CNKSR3: variants seen among roughly 807,000 people sequenced by gnomAD.
CNKSR3 encodes CNKSR family member 3.
Under a neutral mutation model 67.7 loss-of-function variants are expected in CNKSR3, and 36 were observed. That is an observed-to-expected ratio of 0.53 (90% CI 0.41 to 0.70). CNKSR3 has a LOEUF of 0.70. Ranked by LOEUF, CNKSR3 falls within the 30% of genes least tolerant of loss-of-function variation. CNKSR3 has a pLI of 0.00. For missense variants in CNKSR3, 630 were observed against 695.2 expected (o/e 0.91, Z 1.05); for synonymous variants, 281 against 271.4 (o/e 1.04, Z -0.35).
intron 9 of CNKSR3, 74 bp from the exon 10 acceptor site, chr6:154,414,497 TC>T: frequency 1.3e-6 from 2 of 1,505,614 alleles, no homozygotes; most frequent in Non-Finnish European, 1.8e-6. Context: ...TTATTTCCCC[TC>T]CCCCAAACCA....
intron 6 of CNKSR3, among the ~76,000 whole-genome samples, chr6:154,430,001 G>C (rs1322363331): frequency 1.3e-5 from 2 of 152,158 alleles, no homozygotes; most frequent in Non-Finnish European, 2.9e-5. Context: ...ATGCACGCTA[G>C]GTACTAGGAG....
chr6:154,450,038 G>A (rs1785791393), intron 2 of CNKSR3, 57 bp downstream of exon 2: 3 of 1,506,194 alleles, frequency 2.0e-6, no homozygotes, highest in South Asian at 1.2e-5. Context: ...GACGGCTTAA[G>A]AGAGCAAGGC....
At chr6:154,503,466 A>AT (rs1000439277) in intron 1 of CNKSR3, among the ~76,000 whole-genome samples, 301 of 150,158 alleles carry the variant, frequency 2.0e-3, no homozygotes, top group African/African-American at 6.6e-3. Context: ...CTCTACAAAG[A>AT]TTTTTTTTTT....
chr6:154,408,720 G>A (rs80305256), intron 12 of CNKSR3, among the ~76,000 whole-genome samples: 3,335 of 152,186 alleles, frequency 0.022, 115 homozygotes, highest in African/African-American at 0.076. Context: ...GTACAACTCC[G>A]TGAATATACT....
At chr6:154,420,416 G>A (rs529244489) in intron 9 of CNKSR3, among the ~76,000 whole-genome samples, 62 of 152,120 alleles carry the variant, frequency 4.1e-4, no homozygotes, top group African/African-American at 1.2e-3. Context: ...GTGGCCGGGC[G>A]CGGTGGCTCA....
chr6:154,474,218 C>G (rs1786392687), intron 1 of CNKSR3, among the ~76,000 whole-genome samples: 2 of 150,676 alleles, frequency 1.3e-5, no homozygotes. Flanking sequence ...CAACACCATC[C>G]TGGCTCACAT....
At position 154,406,568 on chromosome 6, in the gene CNKSR3, G is replaced by A; in HGVS notation, c.1454C>T (p.Ser485Phe). The change falls in exon 13 of 13, where the codon TCC (serine) becomes TTC (phenylalanine). Residue 485 changes from serine to phenylalanine, a missense_variant. Physicochemically the swap from Ser to Phe is radical, Grantham distance 155 (BLOSUM62 -2). Around this residue, in one of 3 missense-constraint regions of CNKSR3, gnomAD observed 308 missense variants for 299.6 expected, o/e 1.03. Coordinates refer to ENST00000607772, the MANE Select transcript of CNKSR3 (RefSeq NM_173515.4). ...EESSSPPYRF[S>F]RPTTERHLVR... ...CAGATGCCGCTCGGTCGTGGGTCTG[G>A]AGAACCGGTATGGGGGAGAGGAGCT... The A allele has an allele frequency of 1.2e-6, 2 of 1,614,232 alleles. No individual in the cohort carries two copies. The highest frequency in any genetic ancestry group is 1.3e-5 in the African/African-American group (1 of 75,072).
In CNKSR3 at chr6:154,403,572, TTATG is replaced by T. The variant is rs1784739625; in HGVS notation, c.*2778_*2781del. 1 of 152,122 alleles carries T rather than the reference TTATG, an allele frequency of 6.6e-6. No homozygotes were observed. The highest frequency in any genetic ancestry group is 6.6e-5 in the Admixed American group (1 of 15,266). The allele number at this position is 152,122 out of a possible 1,614,324, so 9.4% of individuals were successfully genotyped here. On this transcript the variant is annotated 3_prime_UTR_variant, in exon 13 of 13. Coordinates refer to ENST00000607772, the MANE Select transcript of CNKSR3 (RefSeq NM_173515.4). ...TAAGAAATCCATATTAAACTATTATTTATGTATGTCCATAGTAGAGGTTTACAAA... is the reference window on the plus strand; with the variant it reads ...TAAGAAATCCATATTAAACTATTATTTATGTCCATAGTAGAGGTTTACAAA...
intron 1 of CNKSR3, among the ~76,000 whole-genome samples, chr6:154,495,542 A>ATTT (rs57229246): frequency 0.027 from 3,802 of 138,902 alleles, 165 homozygotes; most frequent in African/African-American, 0.095. Flanking sequence ...TCATTTTAAC[A>ATTT]TTTTTTTTTT....
chr6:154,416,522 A>G (rs1785027766), intron 9 of CNKSR3, among the ~76,000 whole-genome samples: 1 of 152,228 alleles, frequency 6.6e-6, no homozygotes, highest in Non-Finnish European at 1.5e-5. Flanking sequence ...TTTCCACAAA[A>G]TTGATGCTCC....
rs1245796289 is a variant in CNKSR3, at chr6:154,394,404, C to T, written c.*11950G>A. The T allele has an allele frequency of 6.6e-6, 1 of 151,970 alleles. No homozygotes were observed. The highest frequency in any genetic ancestry group is 2.4e-5 in the African/African-American group (1 of 41,388). The allele number at this position is 151,970 out of a possible 1,614,324, so 9.4% of individuals were successfully genotyped here. On this transcript the variant is annotated 3_prime_UTR_variant, in exon 13 of 13. Coordinates refer to ENST00000607772, the MANE Select transcript of CNKSR3 (RefSeq NM_173515.4). ...ACCAGGTGGATAATGCCTGGGTCAC[C>T]TTGAAGTCCAAAATTGGAGACACCA...
At position 154,390,968 on chromosome 6, in the gene CNKSR3, T is replaced by C. The variant is rs1784598646; in HGVS notation, c.*15386A>G. 1 of 151,766 alleles carries C rather than the reference T, an allele frequency of 6.6e-6. No homozygotes were observed. Among genetic ancestry groups the C allele is most frequent in the Non-Finnish European group, 1.5e-5 (1 of 68,000 alleles). The allele number at this position is 151,766 out of a possible 1,614,324, so 9.4% of individuals were successfully genotyped here. A position where few individuals can be genotyped will look rare whatever the true frequency, so the allele number is the denominator to read the frequency against. ...GGCACATGCCACCACGCCCAGCTAATTTTTATATTTTTAGTAGAGAGAGGG... is the reference window on the plus strand; with the variant it reads ...GGCACATGCCACCACGCCCAGCTAACTTTTATATTTTTAGTAGAGAGAGGG... On this transcript the variant is annotated 3_prime_UTR_variant, in exon 13 of 13. Transcript: ENST00000607772.
At chr6:154,487,827 C>T (rs1457971567) in intron 1 of CNKSR3, among the ~76,000 whole-genome samples, 1 of 152,210 alleles carries the variant, frequency 6.6e-6, no homozygotes, top group East Asian at 1.9e-4. Context: ...TTACCTTCTT[C>T]CCTGTCAAAT....
chr6:154,406,621 G>T lies in CNKSR3; in HGVS notation c.1401C>A (p.Asn467Lys), dbSNP rs148296759. Reference sequence around the variant, plus strand: ...CTTCAATGATCGGAGGAATCCGCTCGTTACTGAAATACCGGCAAAGGGCAT... The same window carrying T: ...CTTCAATGATCGGAGGAATCCGCTCTTTACTGAAATACCGGCAAAGGGCAT... The part of the protein sequence containing the change: ...GEDALCRYFS[N>K]ERIPPIIEES... Residue 467 changes from asparagine (N) to lysine (K), a missense_variant, in exon 13 of 13, where the codon AAC (asparagine) becomes AAA (lysine). Transcript: ENST00000607772. 1 of 1,613,622 alleles carries T rather than the reference G, an allele frequency of 6.2e-7. No individual in the cohort carries two copies. The highest frequency in any genetic ancestry group is 1.1e-5 in the South Asian group (1 of 91,058).
chr6:154,482,386 AC>A (rs1582895290), intron 1 of CNKSR3, among the ~76,000 whole-genome samples: 1 of 152,168 alleles, frequency 6.6e-6, no homozygotes, highest in East Asian at 1.9e-4. Flanking sequence ...TCCTAAATCC[AC>A]CATCCAGTCC....
chr6:154,460,877 A>G (rs762793602), intron 1 of CNKSR3, among the ~76,000 whole-genome samples: 4 of 152,212 alleles, frequency 2.6e-5, no homozygotes, highest in African/African-American at 4.8e-5. Context: ...TGGCCGCGAC[A>G]GCTGCACCCA....
At chr6:154,490,555 A>C (rs1786766421) in intron 1 of CNKSR3, among the ~76,000 whole-genome samples, 1 of 152,274 alleles carries the variant, frequency 6.6e-6, no homozygotes, top group African/African-American at 2.4e-5. Context: ...ATACAAATAC[A>C]CACACAGTTC....
Position 154,460,046 on chromosome 6 carries a change from C to A in CNKSR3, c.53-9788G>T, listed in dbSNP as rs557373961. 5.2e-3 allele frequency among the ~76,000 whole-genome samples: 797 copies of A among 152,310 alleles called. 2 individuals are homozygous for A. Among genetic ancestry groups the A allele is most frequent in the Non-Finnish European group, 7.2e-3 (489 of 68,020 alleles). On this transcript the variant is annotated intron_variant, in intron 1 of 12. Transcript: ENST00000607772. The stretch of plus-strand genomic sequence containing the variant: ...GACTGTGAAATGGACCCAGCCTGCC[C>A]CCACCCCCTCCTGGGACCCTGAGCT...
Position 154,387,600 on chromosome 6 carries a change from A to T in CNKSR3, c.*18754T>A, listed in dbSNP as rs1428791551. 1.3e-5 allele frequency: 2 copies of T among 152,230 alleles called. No individual in the cohort carries two copies. Among genetic ancestry groups the T allele is most frequent in the African/African-American group, 4.8e-5 (2 of 41,462 alleles). 9.4% of individuals were successfully genotyped at this position (152,230 alleles called of 1,614,324 possible). On this transcript the variant is annotated 3_prime_UTR_variant, in exon 13 of 13. Coordinates refer to ENST00000607772, the MANE Select transcript of CNKSR3 (RefSeq NM_173515.4). ...AAAAGCAGGAATGTTTATCTAGTTC[A>T]TGGTCCATGATAACCACAGATTGCT...
Sources: allele counts gnomAD v4.1 joint callset (sites outside exome capture counted in the v4.1 genomes callset), GRCh38; gene constraint gnomAD v4.1.1; regional missense constraint gnomAD v4.1.1; transcripts MANE v1.5; gene names NCBI Gene and HGNC (gene_info 2026-07-23, HGNC 2026-07-21).